Variants in RXFP1 observed in about 807,000 individuals in gnomAD.
The protein encoded by RXFP1 is relaxin receptor 1.
In RXFP1, 73 loss-of-function variants were observed where a neutral mutation model predicts 89.8. That is an observed-to-expected ratio of 0.81 (90% CI 0.67 to 0.99). RXFP1 has a LOEUF of 0.99. Ranked by LOEUF, RXFP1 falls within the 50% of genes least tolerant of loss-of-function variation. The pLI is 0.00. For synonymous variants in RXFP1, 277 were observed against 305.5 expected (o/e 0.91, Z 0.97); for missense variants, 793 against 895.5 (o/e 0.89, Z 1.46).
chr4:158,544,982 C>G (rs2149849302), intron 1 of RXFP1, among the ~76,000 whole-genome samples: 1 of 151,940 alleles, frequency 6.6e-6, no homozygotes, highest in Non-Finnish European at 1.5e-5. Flanking sequence ...ATGGCTGGGT[C>G]AAATGGTATT....
intron 2 of RXFP1, among the ~76,000 whole-genome samples, chr4:158,581,753 T>C (rs1757399293): frequency 6.6e-6 from 1 of 152,212 alleles, no homozygotes; most frequent in Non-Finnish European, 1.5e-5. Context: ...ATCCAAGTCA[T>C]GGATGTCTGT....
chr4:158,586,732 G>A (rs1758373848), intron 2 of RXFP1, among the ~76,000 whole-genome samples: 2 of 152,046 alleles, frequency 1.3e-5, no homozygotes, highest in Non-Finnish European at 1.5e-5. Context: ...GGTAGAAAGA[G>A]GAAAATACTT....
At chr4:158,614,543 G>T (rs1764187153) in intron 8 of RXFP1, among the ~76,000 whole-genome samples, 1 of 152,108 alleles carries the variant, frequency 6.6e-6, no homozygotes, top group Non-Finnish European at 1.5e-5. Flanking sequence ...ATCAACATCT[G>T]CTAGCTTTAA....
At chr4:158,590,328 G>A (rs1439897413) in intron 2 of RXFP1, among the ~76,000 whole-genome samples, 2 of 152,028 alleles carry the variant, frequency 1.3e-5, no homozygotes, top group Non-Finnish European at 2.9e-5. Context: ...CCATGGCTGG[G>A]TAATTTTTGT....
chr4:158,607,096 C>T, intron 5 of RXFP1: 2 of 1,536,012 alleles, frequency 1.3e-6, no homozygotes, highest in Non-Finnish European at 1.7e-6. Context: ...TGAAGGCAGC[C>T]TTGAAATCCT....
chr4:158,635,541 G>A (rs1249741793), intron 12 of RXFP1, among the ~76,000 whole-genome samples: 1 of 151,874 alleles, frequency 6.6e-6, no homozygotes, highest in South Asian at 2.1e-4. Context: ...GTTCTAATTA[G>A]GACTTCCAAC....
At chr4:158,602,692 G>T (rs919255869) in intron 4 of RXFP1, among the ~76,000 whole-genome samples, 6 of 152,152 alleles carry the variant, frequency 3.9e-5, no homozygotes, top group African/African-American at 1.4e-4. Context: ...TTAAAGGCAG[G>T]TATCCAACAT....
At position 158,646,916 on chromosome 4, in the gene RXFP1, T is replaced by G. The variant is rs774801272; in HGVS notation, c.1471T>G (p.Leu491Val). Residue 491 changes from leucine to valine, a missense_variant, in exon 16 of 18, where the codon TTG becomes GTG. Coordinates refer to ENST00000307765, the MANE Select transcript of RXFP1 (RefSeq NM_021634.4). ...ESTHCQLVGSLAILSTEVSVL... is the reference protein window; with the variant it reads ...ESTHCQLVGSVAILSTEVSVL... ...TACTCATTGTCAGCTTGTAGGATCT[T>G]TGGCCATTCTGTCCACAGAAGTATC... The G allele has an allele frequency of 6.2e-7, 1 of 1,614,204 alleles. No homozygotes were observed. The highest frequency in any genetic ancestry group is 2.2e-5 in the East Asian group (1 of 44,884).
intron 1 of RXFP1, among the ~76,000 whole-genome samples, chr4:158,567,727 G>A (rs979664093): frequency 2.0e-5 from 3 of 152,148 alleles, no homozygotes; most frequent in Non-Finnish European, 4.4e-5. Context: ...CTAGCTCAGG[G>A]ATTGTAAACA....
chr4:158,609,435 G>A (rs1003215811), intron 6 of RXFP1, among the ~76,000 whole-genome samples: 18 of 152,094 alleles, frequency 1.2e-4, no homozygotes, highest in African/African-American at 3.4e-4. Context: ...TCAATGTTCC[G>A]TTTTATTGAG....
intron 3 of RXFP1, among the ~76,000 whole-genome samples, chr4:158,598,729 A>G (rs1303321405): frequency 6.6e-6 from 1 of 152,048 alleles, no homozygotes; most frequent in East Asian, 1.9e-4. Flanking sequence ...CTATGCAGAA[A>G]AAACATTCAC....
At chr4:158,650,326 G>A (rs529949265) in intron 17 of RXFP1, among the ~76,000 whole-genome samples, 2 of 151,634 alleles carry the variant, frequency 1.3e-5, no homozygotes, top group African/African-American at 2.4e-5. Context: ...TGATATGAAC[G>A]TACTTAATGC....
Position 158,648,635 on chromosome 4 carries a change from C to G in RXFP1, c.1893C>G (p.Phe631Leu). Residue 631 changes from phenylalanine (F) to leucine (L), a missense_variant, in exon 17 of 18, where the codon TTC (phenylalanine) becomes TTG (leucine). Coordinates refer to ENST00000307765, the MANE Select transcript of RXFP1 (RefSeq NM_021634.4). ...KKEMILAKRF[F>L]FIVFTDALCW... ...AGATGATCCTTGCCAAACGTTTTTT[C>G]TTTATAGTATTTACTGATGCATTAT... is the stretch of plus-strand genomic sequence containing the variant. 1 of 1,613,094 alleles carries G rather than the reference C, an allele frequency of 6.2e-7. No individual in the cohort carries two copies. Among genetic ancestry groups the G allele is most frequent in the Non-Finnish European group, 8.5e-7 (1 of 1,179,536 alleles).
rs767543255 is a variant in RXFP1 at position 158,593,471 on chromosome 4, T to G, written c.258T>G (p.Tyr86Ter). Residue 86 changes from tyrosine to a stop codon, truncating the protein, a stop_gained, in exon 3 of 18, where the codon TAT (tyrosine) becomes TAG (stop). Coordinates refer to ENST00000307765, the MANE Select transcript of RXFP1 (RefSeq NM_021634.4). LOFTEE classifies it high-confidence loss of function. ...GTTACTACAAAATGACTTCCCAATA[T>G]CCTTTTGAGGCAGAAACACCTGAAT... ...FASYYKMTSQ[Y>*]PFEAETPECL... 4.2e-5 allele frequency: 67 copies of G among 1,609,782 alleles called. No homozygotes were observed. Among genetic ancestry groups the G allele is most frequent in the African/African-American group, 5.3e-5 (4 of 74,834 alleles).
Position 158,648,494 on chromosome 4 carries a change from A to C in RXFP1, c.1757-5A>C. The C allele has an allele frequency of 3.9e-6, 6 of 1,541,984 alleles. No homozygotes were observed. The highest frequency in any genetic ancestry group is 1.4e-5 in the African/African-American group (1 of 72,826). On this transcript the variant is annotated splice_region_variant and splice_polypyrimidine_tract_variant and intron_variant, in intron 16 of 17. Coordinates refer to ENST00000307765, the MANE Select transcript of RXFP1 (RefSeq NM_021634.4). ...CATTAATAATACTGTTTGTATTCCA[A>C]ATAGGTATTAATTTGGCCGCATTTA...
intron 1 of RXFP1, among the ~76,000 whole-genome samples, chr4:158,570,879 G>A (rs1214050218): frequency 6.6e-6 from 1 of 151,960 alleles, no homozygotes; most frequent in African/African-American, 2.4e-5. Flanking sequence ...TGCTCACTGG[G>A]CTCCATCACC....
intron 1 of RXFP1, among the ~76,000 whole-genome samples, chr4:158,547,482 T>G (rs985080115): frequency 1.3e-5 from 2 of 152,132 alleles, no homozygotes; most frequent in Admixed American, 6.5e-5. Flanking sequence ...TATTTCTTGC[T>G]TCCTGCTAGC....
intron 4 of RXFP1, among the ~76,000 whole-genome samples, chr4:158,602,056 T>TTTGA (rs890997985): frequency 6.6e-6 from 1 of 152,180 alleles, no homozygotes; most frequent in Non-Finnish European, 1.5e-5. Flanking sequence ...ACAAACCCTC[T>TTTGA]TTGACTCTGT....
At position 158,638,000 on chromosome 4, in the gene RXFP1, A is replaced by T; in HGVS notation, c.972-8A>T. The T allele has an allele frequency of 6.4e-7, 1 of 1,570,778 alleles. No homozygotes were observed. The highest frequency in any genetic ancestry group is 8.7e-7 in the Non-Finnish European group (1 of 1,143,828). On this transcript the variant is annotated splice_region_variant and splice_polypyrimidine_tract_variant and intron_variant, in intron 12 of 17. Transcript: ENST00000307765. ...AAATGACCTATTGCTGCTTTTTTTA[A>T]AAAACAGGAATCTTTCCTATAATCC...
Sources: allele counts gnomAD v4.1 joint callset (sites outside exome capture counted in the v4.1 genomes callset), GRCh38; gene constraint gnomAD v4.1.1; transcripts MANE v1.5; gene names NCBI Gene and HGNC (gene_info 2026-07-23, HGNC 2026-07-21).